SLC4A10: variants seen among roughly 807,000 people sequenced by gnomAD.
The protein encoded by SLC4A10 is solute carrier family 4 member 10, also known as sodium-driven chloride bicarbonate exchanger.
In SLC4A10, 42 loss-of-function variants were observed where a neutral mutation model predicts 137.7. That is an observed-to-expected ratio of 0.30 (90% confidence interval 0.24 to 0.39). The LOEUF (loss-of-function observed/expected upper bound fraction) is 0.39. Ranked by LOEUF, SLC4A10 falls within the 10% of genes least tolerant of loss-of-function variation. The pLI is 1.00. For missense variants in SLC4A10, 925 were observed against 1,355.0 expected (o/e 0.68, Z 4.98); for synonymous variants, 474 against 464.1 (o/e 1.02, Z -0.27).
chr2:161,778,003 T>A (rs2052579827), intron 2 of SLC4A10, among the ~76,000 whole-genome samples: 1 of 152,016 alleles, frequency 6.6e-6, no homozygotes, highest in African/African-American at 2.4e-5. Flanking sequence ...GAATTTCTTT[T>A]CCAAATCATT....
At chr2:161,842,846 C>T (rs79304506) in intron 4 of SLC4A10, among the ~76,000 whole-genome samples, 2 of 151,988 alleles carry the variant, frequency 1.3e-5, no homozygotes, top group Non-Finnish European at 2.9e-5. Context: ...ATAACTTGCT[C>T]TTTTATGATT....
intron 4 of SLC4A10, among the ~76,000 whole-genome samples, chr2:161,840,637 A>G (rs1429611628): frequency 1.3e-4 from 20 of 152,224 alleles, no homozygotes; most frequent in Admixed American, 1.3e-3. Flanking sequence ...TCTTGCCTTT[A>G]GGGATCTTGC....
At chr2:161,779,691 T>C (rs188962280) in intron 2 of SLC4A10, among the ~76,000 whole-genome samples, 2 of 152,124 alleles carry the variant, frequency 1.3e-5, no homozygotes, top group Admixed American at 6.6e-5. Context: ...CTTTCTAATA[T>C]TTTACCTCTA....
chr2:161,725,205 T>C (rs2046089872), intron 1 of SLC4A10, among the ~76,000 whole-genome samples: 1 of 152,152 alleles, frequency 6.6e-6, no homozygotes, highest in Admixed American at 6.6e-5. Context: ...GAATTTTAGA[T>C]TTTACATTTA....
At chr2:161,802,924 A>T (rs1261163506) in intron 2 of SLC4A10, among the ~76,000 whole-genome samples, 1 of 152,094 alleles carries the variant, frequency 6.6e-6, no homozygotes, top group Non-Finnish European at 1.5e-5. Context: ...CTATCTCTAA[A>T]TACAGTCACA....
At chr2:161,660,016 G>C (rs536465965) in intron 1 of SLC4A10, among the ~76,000 whole-genome samples, 1 of 150,062 alleles carries the variant, frequency 6.7e-6, no homozygotes, top group Admixed American at 6.6e-5. Context: ...AGGGTTGGAG[G>C]GGGAAGGAAA....
chr2:161,858,638 G>A (rs1471187849), intron 5 of SLC4A10, among the ~76,000 whole-genome samples: 1 of 152,046 alleles, frequency 6.6e-6, no homozygotes, highest in Admixed American at 6.6e-5. Flanking sequence ...ATAAATTACA[G>A]GGAATTTTAT....
chr2:161,678,535 C>T (rs1239859637), intron 1 of SLC4A10, among the ~76,000 whole-genome samples: 4 of 152,166 alleles, frequency 2.6e-5, no homozygotes, highest in Non-Finnish European at 5.9e-5. Context: ...TGAATGTTCA[C>T]ATATACATAT....
intron 3 of SLC4A10, among the ~76,000 whole-genome samples, chr2:161,829,927 C>T (rs1439936739): frequency 6.6e-6 from 1 of 152,068 alleles, no homozygotes; most frequent in Non-Finnish European, 1.5e-5. Flanking sequence ...GACTTATTCA[C>T]TACCACGGGA....
chr2:161,917,066 C>A (rs1687251853), intron 15 of SLC4A10, among the ~76,000 whole-genome samples: 1 of 152,166 alleles, frequency 6.6e-6, no homozygotes, highest in African/African-American at 2.4e-5. Context: ...TCCTGGCAAC[C>A]ACTGATATGA....
At chr2:161,864,725 A>G (rs2060632123) in intron 6 of SLC4A10, among the ~76,000 whole-genome samples, 1 of 152,166 alleles carries the variant, frequency 6.6e-6, no homozygotes, top group Admixed American at 6.5e-5. Context: ...GCTTTGAATC[A>G]AATCATATAT....
intron 26 of SLC4A10, among the ~76,000 whole-genome samples, chr2:161,979,665 T>C (rs1467573062): frequency 6.6e-6 from 1 of 152,194 alleles, no homozygotes; most frequent in Non-Finnish European, 1.5e-5. Flanking sequence ...TTGTGGTATC[T>C]GTTAAAGGCT....
chr2:161,966,272 T>G (rs535538054), intron 23 of SLC4A10, among the ~76,000 whole-genome samples: 1 of 152,340 alleles, frequency 6.6e-6, no homozygotes, highest in Admixed American at 6.5e-5. Context: ...CAGATAGAGA[T>G]TCATCATGAT....
chr2:161,649,909 A>T (rs1318908472), intron 1 of SLC4A10, among the ~76,000 whole-genome samples: 1 of 152,156 alleles, frequency 6.6e-6, no homozygotes, highest in Non-Finnish European at 1.5e-5. Context: ...GTTTATAGAA[A>T]GGATGCAAAG....
At chr2:161,771,146 A>C in intron 2 of SLC4A10, 92 bp downstream of exon 2, 1 of 934,780 alleles carries the variant, frequency 1.1e-6, no homozygotes, top group Non-Finnish European at 1.7e-6. Context: ...AGAATTGCAA[A>C]AGTTGGTATC....
At chr2:161,752,913 A>C (rs1446493744) in intron 1 of SLC4A10, among the ~76,000 whole-genome samples, 4 of 152,104 alleles carry the variant, frequency 2.6e-5, no homozygotes, top group Non-Finnish European at 5.9e-5. Context: ...AAGTGTTTTT[A>C]CCACAAAAAA....
intron 1 of SLC4A10, among the ~76,000 whole-genome samples, chr2:161,644,120 T>C (rs2035685050): frequency 6.6e-6 from 1 of 151,272 alleles, no homozygotes; most frequent in African/African-American, 2.4e-5. Context: ...CTTATATGCA[T>C]ATATAGAAAG....
chr2:161,918,408 G>C (rs917815502), intron 15 of SLC4A10, among the ~76,000 whole-genome samples: 1 of 152,006 alleles, frequency 6.6e-6, no homozygotes, highest in African/African-American at 2.4e-5. Context: ...CACCTACCTT[G>C]GCCTCCCCAA....
chr2:161,774,089 T>G (rs950338919), intron 2 of SLC4A10, among the ~76,000 whole-genome samples: 4 of 151,948 alleles, frequency 2.6e-5, no homozygotes, highest in East Asian at 3.9e-4. Context: ...TACTTCTGTT[T>G]CCTGCAATAA....
Sources: allele counts gnomAD v4.1 joint callset (sites outside exome capture counted in the v4.1 genomes callset), GRCh38; gene constraint gnomAD v4.1.1; transcripts MANE v1.5; gene names NCBI Gene and HGNC (gene_info 2026-07-23, HGNC 2026-07-21).